TRIM33: variants seen among roughly 807,000 people sequenced by gnomAD.
TRIM33 encodes the protein tripartite motif containing 33, also known as E3 ubiquitin-protein ligase TRIM33.
A neutral mutation model predicts 125.4 loss-of-function variants in TRIM33; 20 were observed. The ratio of observed to expected loss-of-function variants is 0.16; its 90% CI spans 0.11 to 0.23. The LOEUF is 0.23. Among genes scored for constraint, TRIM33 ranks in the 10% least tolerant of loss-of-function variants. TRIM33 has a pLI of 1.00. For missense variants in TRIM33, 920 were observed against 1,411.4 expected, an observed-to-expected ratio of 0.65 and a Z score of 5.58; for synonymous variants, 564 against 513.9, an observed-to-expected ratio of 1.10 and a Z score of -1.32.
chr1:114,469,435 G>C (rs763262083), intron 1 of TRIM33, among the ~76,000 whole-genome samples: 43 of 152,182 alleles, frequency 2.8e-4, no homozygotes, highest in Non-Finnish European at 4.7e-4. Flanking sequence ...ATTCTTGCAA[G>C]ATGCCGCTGT....
chr1:114,478,298 A>C (rs1007307232), intron 1 of TRIM33, among the ~76,000 whole-genome samples: 4 of 152,230 alleles, frequency 2.6e-5, no homozygotes, highest in Non-Finnish European at 5.9e-5. Context: ...ACACGGTAGA[A>C]TCAATTGGGG....
At chr1:114,453,344 A>T (rs1263705828) in intron 4 of TRIM33, among the ~76,000 whole-genome samples, 1 of 151,640 alleles carries the variant, frequency 6.6e-6, no homozygotes, top group Non-Finnish European at 1.5e-5. Context: ...AGCCTGGGCA[A>T]CAGAGAGAGT....
intron 1 of TRIM33, among the ~76,000 whole-genome samples, chr1:114,504,901 T>C (rs532419847): frequency 1.1e-4 from 17 of 152,270 alleles, no homozygotes; most frequent in African/African-American, 4.1e-4. Context: ...AACCACAATT[T>C]ACCCCCCTGC....
chr1:114,428,837 T>G (rs543660624), intron 6 of TRIM33, among the ~76,000 whole-genome samples: 2 of 152,220 alleles, frequency 1.3e-5, no homozygotes, highest in East Asian at 3.9e-4. Context: ...CATTAGGTAT[T>G]TGTATACACT....
intron 1 of TRIM33, chr1:114,490,914 A>G (rs1175762405): frequency 6.6e-6 from 1 of 152,198 alleles, no homozygotes; most frequent in East Asian, 1.9e-4. Context: ...ATAAGACCAC[A>G]CATCGTATAT....
At chr1:114,426,328 G>A (rs1647578923) in intron 8 of TRIM33, among the ~76,000 whole-genome samples, 1 of 152,126 alleles carries the variant, frequency 6.6e-6, no homozygotes, top group African/African-American at 2.4e-5. Flanking sequence ...AATATTTCAT[G>A]CTTGGCAGGC....
intron 4 of TRIM33, among the ~76,000 whole-genome samples, chr1:114,436,626 G>A (rs1648326177): frequency 6.6e-6 from 1 of 151,838 alleles, no homozygotes; most frequent in South Asian, 2.1e-4. Flanking sequence ...CACCATGCCT[G>A]GCTAATTTTT....
At chr1:114,507,278 G>A (rs77547616) in intron 1 of TRIM33, among the ~76,000 whole-genome samples, 96 of 152,304 alleles carry the variant, frequency 6.3e-4, no homozygotes, top group Non-Finnish European at 1.2e-3. Context: ...CAGGAGGTCC[G>A]GAATGCGGCC....
chr1:114,423,132 T>C (rs1044368982), intron 10 of TRIM33, among the ~76,000 whole-genome samples: 4 of 152,200 alleles, frequency 2.6e-5, no homozygotes, highest in African/African-American at 9.6e-5. Flanking sequence ...TCTAATAGTC[T>C]TAAACCATGT....
intron 1 of TRIM33, among the ~76,000 whole-genome samples, chr1:114,487,161 A>G (rs1557896188): frequency 6.6e-6 from 1 of 151,978 alleles, no homozygotes; most frequent in Non-Finnish European, 1.5e-5. Flanking sequence ...ATAAACCTAC[A>G]TATAAAAAAA....
At chr1:114,483,416 G>T (rs934831426) in intron 1 of TRIM33, among the ~76,000 whole-genome samples, 3 of 145,184 alleles carry the variant, frequency 2.1e-5, no homozygotes, top group Non-Finnish European at 3.0e-5. Context: ...ACCCAGTTGG[G>T]TTTTTTTTTT....
At chr1:114,426,636 G>C (rs1056052364) in intron 8 of TRIM33, among the ~76,000 whole-genome samples, 2 of 151,654 alleles carry the variant, frequency 1.3e-5, no homozygotes, top group Admixed American at 1.3e-4. Flanking sequence ...TAGGAAGTTT[G>C]TGTGCATGTG....
chr1:114,474,760 C>T (rs529917536), intron 1 of TRIM33, among the ~76,000 whole-genome samples: 99 of 151,420 alleles, frequency 6.5e-4, no homozygotes, highest in Middle Eastern at 6.8e-3. Flanking sequence ...GGTGTGGTGG[C>T]GCATGCCTGT....
intron 1 of TRIM33, among the ~76,000 whole-genome samples, chr1:114,508,072 G>A (rs189388111): frequency 3.9e-5 from 6 of 152,056 alleles, no homozygotes; most frequent in African/African-American, 1.2e-4. Context: ...AGCCGAGATC[G>A]AGCCACTGCA....
rs909647732 is a variant in TRIM33, at chr1:114,511,141, G to T, written c.-65C>A. The T allele has an allele frequency of 1.7e-5, 18 of 1,070,944 alleles. No individual in the cohort carries two copies. Among genetic ancestry groups the T allele is most frequent in the Non-Finnish European group, 1.8e-5 (16 of 886,408 alleles). 66.3% of individuals were successfully genotyped at this position (1,070,944 alleles called of 1,614,324 possible). On this transcript the variant is annotated 5_prime_UTR_variant, in exon 1 of 20. Coordinates refer to ENST00000358465, the MANE Select transcript of TRIM33 (RefSeq NM_015906.4). ...CGCCGCCCGCGTCGCCGCCGCCGCC[G>T]CCCCCAGCCCCAGCCGCAGCCGCAG...
At chr1:114,459,123 G>A (rs1298529309) in intron 4 of TRIM33, among the ~76,000 whole-genome samples, 1 of 152,098 alleles carries the variant, frequency 6.6e-6, no homozygotes, top group East Asian at 1.9e-4. Flanking sequence ...GTATATTTTT[G>A]TATGTTAACA....
chr1:114,432,528 T>A (rs1015799786), intron 5 of TRIM33, among the ~76,000 whole-genome samples: 2 of 152,208 alleles, frequency 1.3e-5, no homozygotes, highest in Admixed American at 6.5e-5. Context: ...GGCTCAGGCC[T>A]ATAATCCCAG....
At chr1:114,464,618 T>C (rs1229223466) in intron 1 of TRIM33, among the ~76,000 whole-genome samples, 1 of 152,178 alleles carries the variant, frequency 6.6e-6, no homozygotes, top group African/African-American at 2.4e-5. Context: ...CTCATTATAA[T>C]ATGTGGTTAG....
chr1:114,455,947 G>A (rs914685281), intron 4 of TRIM33, among the ~76,000 whole-genome samples: 5 of 152,196 alleles, frequency 3.3e-5, no homozygotes, highest in African/African-American at 4.8e-5. Flanking sequence ...GGGTAGATAA[G>A]AGACCTTACT....
Sources: allele counts gnomAD v4.1 joint callset (sites outside exome capture counted in the v4.1 genomes callset), GRCh38; gene constraint gnomAD v4.1.1; transcripts MANE v1.5; gene names NCBI Gene and HGNC (gene_info 2026-07-23, HGNC 2026-07-21).